Variants in STXBP5L observed in about 807,000 individuals in gnomAD.
STXBP5L encodes the protein syntaxin-binding protein 5-like.
Under a neutral mutation model 144.5 loss-of-function variants are expected in STXBP5L, and 65 were observed. The observed-to-expected ratio is 0.45, with a 90% confidence interval of 0.37 to 0.55. STXBP5L has a LOEUF of 0.55. STXBP5L is among the 20% of genes least tolerant of loss of function. STXBP5L has a pLI of 0.00. For synonymous variants in STXBP5L, 505 were observed against 469.6 expected (o/e 1.08, Z -0.97); for missense variants, 1,298 against 1,405.5 (o/e 0.92, Z 1.22).
intron 3 of STXBP5L, among the ~76,000 whole-genome samples, chr3:120,962,028 T>G (rs1422356682): frequency 5.3e-5 from 8 of 152,252 alleles, no homozygotes; most frequent in Non-Finnish European, 1.0e-4. Flanking sequence ...TGACCAGTGA[T>G]GATGAGCATT....
chr3:121,000,807 A>G (rs1943711397), intron 3 of STXBP5L, among the ~76,000 whole-genome samples: 1 of 151,932 alleles, frequency 6.6e-6, no homozygotes, highest in South Asian at 2.1e-4. Flanking sequence ...ATTCTTTGCT[A>G]CCTTTGAATG....
At chr3:120,925,667 C>T (rs1709587774) in intron 2 of STXBP5L, among the ~76,000 whole-genome samples, 1 of 152,208 alleles carries the variant, frequency 6.6e-6, no homozygotes, top group South Asian at 2.1e-4. Context: ...TAAGGATTTA[C>T]TACTGCCATA....
intron 22 of STXBP5L, among the ~76,000 whole-genome samples, chr3:121,386,883 A>G (rs1030344760): frequency 1.3e-5 from 2 of 152,232 alleles, no homozygotes; most frequent in African/African-American, 2.4e-5. Context: ...ATGCATCTTT[A>G]TAGTAGCATG....
chr3:121,405,915 T>C (rs973432468), intron 22 of STXBP5L, among the ~76,000 whole-genome samples: 3 of 152,216 alleles, frequency 2.0e-5, no homozygotes, highest in African/African-American at 7.2e-5. Context: ...GTAAAATGGC[T>C]TTCAAAATGT....
intron 7 of STXBP5L, among the ~76,000 whole-genome samples, chr3:121,145,931 TTAGGA>T (rs911235753): frequency 3.9e-5 from 6 of 152,044 alleles, no homozygotes; most frequent in African/African-American, 1.4e-4. Flanking sequence ...TTTATTGAGC[TTAGGA>T]TAGAACAAAA....
intron 3 of STXBP5L, among the ~76,000 whole-genome samples, chr3:120,994,943 A>G (rs899392356): frequency 1.3e-5 from 2 of 151,884 alleles, no homozygotes. Flanking sequence ...TACTGATTCA[A>G]TCTTGTTATC....
intron 19 of STXBP5L, among the ~76,000 whole-genome samples, chr3:121,303,231 A>T (rs1419598438): frequency 1.3e-5 from 2 of 152,240 alleles, no homozygotes; most frequent in Non-Finnish European, 2.9e-5. Flanking sequence ...ATGAACAGAC[A>T]CTTCTCAAAA....
At chr3:121,295,411 T>G (rs1232678957) in intron 19 of STXBP5L, among the ~76,000 whole-genome samples, 2 of 152,144 alleles carry the variant, frequency 1.3e-5, no homozygotes, top group African/African-American at 2.4e-5. Context: ...TTCAGTTCAG[T>G]ATTTTAGTAG....
rs1221511877 is a variant in STXBP5L, at chr3:121,424,432, CT to C, written c.*5338del. On this transcript the variant is annotated 3_prime_UTR_variant, in exon 27 of 27. Transcript: ENST00000471454. The stretch of plus-strand genomic sequence containing the variant: ...ATGAGAAGAAACTCAGAGTTATTGC[CT>C]TTCATACTGCTTTCCCTCTGCTGTT... The C allele has an allele frequency of 6.6e-6, 1 of 152,154 alleles. No homozygotes were observed. The highest frequency in any genetic ancestry group is 1.5e-5 in the Non-Finnish European group (1 of 68,028). 9.4% of individuals were successfully genotyped at this position (152,154 alleles called of 1,614,324 possible).
At chr3:121,169,394 C>A (rs542491045) in intron 9 of STXBP5L, among the ~76,000 whole-genome samples, 55 of 152,206 alleles carry the variant, frequency 3.6e-4, no homozygotes, top group African/African-American at 1.1e-3. Context: ...CACAGACTGG[C>A]AAATTGGATA....
chr3:121,163,784 T>A (rs73191418), intron 9 of STXBP5L, among the ~76,000 whole-genome samples: 5,395 of 151,840 alleles, frequency 0.036, 145 homozygotes, highest in Middle Eastern at 0.082. Flanking sequence ...TTTTTTTTAA[T>A]TTTAAATGTC....
intron 3 of STXBP5L, among the ~76,000 whole-genome samples, chr3:120,974,459 T>G (rs968155374): frequency 6.7e-6 from 1 of 148,642 alleles, no homozygotes; most frequent in Admixed American, 7.0e-5. Context: ...GTCAGATGAG[T>G]AGGTTGCAAA....
chr3:121,071,884 G>T (rs76345260), intron 5 of STXBP5L, among the ~76,000 whole-genome samples: 2,268 of 152,282 alleles, frequency 0.015, 62 homozygotes, highest in South Asian at 0.1. Context: ...TGAATACCCA[G>T]TTACTTTAGT....
At chr3:121,111,677 G>T (rs546857806) in intron 5 of STXBP5L, among the ~76,000 whole-genome samples, 89 of 152,212 alleles carry the variant, frequency 5.8e-4, no homozygotes, top group Non-Finnish European at 1.2e-3. Flanking sequence ...GGTGACCCTT[G>T]TTGGGGGGTT....
At chr3:121,254,158 G>A (rs1188884758) in intron 15 of STXBP5L, among the ~76,000 whole-genome samples, 1 of 152,038 alleles carries the variant, frequency 6.6e-6, no homozygotes, top group African/African-American at 2.4e-5. Flanking sequence ...TTCAGGTGAT[G>A]CACTTTTCAC....
intron 5 of STXBP5L, among the ~76,000 whole-genome samples, chr3:121,081,617 C>T (rs569087959): frequency 1.2e-4 from 19 of 152,224 alleles, no homozygotes; most frequent in African/African-American, 4.1e-4. Context: ...ATAGTGTATA[C>T]TTTTTTTACT....
At chr3:121,133,244 A>G (rs1489839384) in intron 7 of STXBP5L, among the ~76,000 whole-genome samples, 1 of 152,152 alleles carries the variant, frequency 6.6e-6, no homozygotes, top group South Asian at 2.1e-4. Context: ...AAGCCTCTCA[A>G]ATCTGGGGAA....
At chr3:121,007,680 T>C (rs1467139883) in intron 3 of STXBP5L, among the ~76,000 whole-genome samples, 1 of 152,006 alleles carries the variant, frequency 6.6e-6, no homozygotes, top group African/African-American at 2.4e-5. Flanking sequence ...TCTGATCTGT[T>C]GTTTACATAG....
chr3:121,024,271 T>C (rs1287496684), intron 3 of STXBP5L, among the ~76,000 whole-genome samples: 2 of 152,104 alleles, frequency 1.3e-5, no homozygotes, highest in Admixed American at 1.3e-4. Flanking sequence ...TGAACAGATA[T>C]CACCAAAGAG....
Sources: gnomAD v4.1 joint callset for allele counts (sites outside exome capture counted in the v4.1 genomes callset) on GRCh38, gnomAD v4.1.1 for gene constraint, MANE v1.5 for transcripts, NCBI Gene and HGNC (gene_info 2026-07-23, HGNC 2026-07-21) for gene names.